CNTLN: variants seen among roughly 807,000 people sequenced by gnomAD.
The protein encoded by CNTLN is centlein, centrosomal protein.
CNTLN carries 212 observed loss-of-function variants against 180.0 expected under a neutral mutation model. The ratio of observed to expected loss-of-function variants is 1.18; its 90% CI spans 1.05 to 1.32. The LOEUF is 1.32. Ranked by LOEUF, CNTLN falls within the 40% of genes most tolerant of loss-of-function variation. The probability of loss-of-function intolerance (pLI) is 0.00; values close to 1 mark genes in which losing one functional copy is unlikely to be tolerated. For missense variants in CNTLN, 2,095 were observed against 1,610.9 expected (o/e 1.30, Z -5.14); for synonymous variants, 722 against 563.1 (o/e 1.28, Z -3.99).
At chr9:17,456,155 G>A (rs923187944) in intron 18 of CNTLN, among the ~76,000 whole-genome samples, 1 of 152,132 alleles carries the variant, frequency 6.6e-6, no homozygotes, top group African/African-American at 2.4e-5. Context: ...TGAATAAATA[G>A]AGAATGAACA....
chr9:17,468,660 T>G (rs1186912637), intron 23 of CNTLN, among the ~76,000 whole-genome samples: 1 of 151,682 alleles, frequency 6.6e-6, no homozygotes, highest in African/African-American at 2.4e-5. Flanking sequence ...AATAGAAAAA[T>G]TAATTTCATG....
intron 25 of CNTLN, among the ~76,000 whole-genome samples, chr9:17,489,135 CT>C (rs937208895): frequency 9.6e-4 from 141 of 147,428 alleles, no homozygotes; most frequent in African/African-American, 2.2e-3. Flanking sequence ...TAGAAAACAC[CT>C]TTTTTTTTTA....
chr9:17,465,978 TAGGTA>T lies in CNTLN; in HGVS notation c.3532-1_3535del, dbSNP rs1345048013. The T allele has an allele frequency of 6.3e-7, 1 of 1,595,628 alleles. No individual in the cohort carries two copies. Among genetic ancestry groups the T allele is most frequent in the African/African-American group, 1.4e-5 (1 of 73,880 alleles). On this transcript the variant is annotated splice_acceptor_variant and coding_sequence_variant, in exon 22 of 26. Coordinates refer to ENST00000380647, the MANE Select transcript of CNTLN (RefSeq NM_017738.4). LOFTEE classifies it high-confidence loss of function. ...AATAATTACCTTTATGCTTTTAATGTAGGTAAAGACATTAACTGAAGAATGTTCCA... is the reference window on the plus strand; with the variant it reads ...AATAATTACCTTTATGCTTTTAATGTAAGACATTAACTGAAGAATGTTCCA...
In CNTLN at chr9:17,409,333, A is replaced by G. The variant is rs374864101; in HGVS notation, c.2656A>G (p.Ile886Val). 7 of 1,613,260 alleles carry G rather than the reference A, an allele frequency of 4.3e-6. No homozygotes were observed. Among genetic ancestry groups the G allele is most frequent in the South Asian group, 3.3e-5 (3 of 90,958 alleles). Residue 886 changes from isoleucine (I) to valine (V), a missense_variant, in exon 16 of 26, where the codon ATT becomes GTT. Ile to Val is a conservative substitution (Grantham distance 29). Transcript: ENST00000380647. ...ACAGACCTCTCAAACTTTGGGAACA[A>G]TTATTGTAGAAACATCCCAGAAAAT... ...EAQTSQTLGT[I>V]IVETSQKISP... is the part of the protein sequence containing the mutation.
At chr9:17,213,649 A>G (rs796379348) in intron 2 of CNTLN, among the ~76,000 whole-genome samples, 113 of 152,274 alleles carry the variant, frequency 7.4e-4, no homozygotes, top group African/African-American at 2.6e-3. Flanking sequence ...TAATGTTGAC[A>G]GTGGGGTGTT....
At chr9:17,288,420 A>G (rs541921251) in intron 6 of CNTLN, among the ~76,000 whole-genome samples, 6 of 142,150 alleles carry the variant, frequency 4.2e-5, no homozygotes, top group African/African-American at 1.4e-4. Flanking sequence ...GGAGAACTTT[A>G]CTTCCCAGTA....
At chr9:17,311,030 T>C (rs1021676377) in intron 8 of CNTLN, among the ~76,000 whole-genome samples, 4 of 152,098 alleles carry the variant, frequency 2.6e-5, no homozygotes, top group Non-Finnish European at 4.4e-5. Context: ...TTAAATTACT[T>C]CTTTTTTTTT....
At chr9:17,380,151 A>G (rs893912421) in intron 13 of CNTLN, among the ~76,000 whole-genome samples, 2 of 152,238 alleles carry the variant, frequency 1.3e-5, no homozygotes, top group Admixed American at 1.3e-4. Flanking sequence ...CCATTGGTCA[A>G]GTGGATCAAC....
chr9:17,238,237 T>C (rs1825274308), intron 5 of CNTLN, among the ~76,000 whole-genome samples: 1 of 152,204 alleles, frequency 6.6e-6, no homozygotes, highest in Admixed American at 6.5e-5. Context: ...TTTCAAAAGT[T>C]TGTGAATTTT....
chr9:17,145,835 A>G (rs1159223058), intron 2 of CNTLN, among the ~76,000 whole-genome samples: 1 of 152,096 alleles, frequency 6.6e-6, no homozygotes, highest in Non-Finnish European at 1.5e-5. Flanking sequence ...CTCAGAAAGG[A>G]TGGACAGGTG....
intron 8 of CNTLN, among the ~76,000 whole-genome samples, chr9:17,328,586 G>A (rs1820452887): frequency 6.6e-6 from 1 of 152,150 alleles, no homozygotes; most frequent in African/African-American, 2.4e-5. Flanking sequence ...TTGTAAACAT[G>A]TCTGTAACAA....
chr9:17,457,642 G>C lies in CNTLN; in HGVS notation c.3233G>C (p.Arg1078Pro), dbSNP rs182080361. The C allele has an allele frequency of 1.9e-6, 3 of 1,549,306 alleles. No homozygotes were observed. The highest frequency in any genetic ancestry group is 2.4e-5 in the East Asian group (1 of 40,920). ...AEENSQVTFP[R>P]IQVTSLSPSR... ...GAAAATTCCCAGGTAACATTTCCAC[G>C]GATACAAGTTACATCACTTAGTCCT... The change falls in exon 19 of 26, where the codon CGG becomes CCG. Residue 1078 changes from arginine (R) to proline (P), a missense_variant. By Grantham distance (103) the Arg-to-Pro change is moderately radical. Coordinates refer to ENST00000380647, the MANE Select transcript of CNTLN (RefSeq NM_017738.4).
intron 5 of CNTLN, among the ~76,000 whole-genome samples, chr9:17,239,353 G>C (rs965628925): frequency 1.3e-5 from 2 of 152,114 alleles, no homozygotes; most frequent in South Asian, 2.1e-4. Context: ...CAAATCTTTT[G>C]TGTACATACT....
At chr9:17,264,136 G>T (rs1827221736) in intron 5 of CNTLN, among the ~76,000 whole-genome samples, 1 of 143,398 alleles carries the variant, frequency 7.0e-6, no homozygotes, top group African/African-American at 2.7e-5. Flanking sequence ...TGTCCTGAAT[G>T]GTATTGCCTA....
At chr9:17,513,428 G>A in the CNTLN span, among the ~76,000 whole-genome samples, 1 of 152,136 alleles carries the variant, frequency 6.6e-6, no homozygotes, top group Non-Finnish European at 1.5e-5. Context: ...GGGTGCAGTG[G>A]CTCACGCATG....
rs143568786 is a variant in CNTLN, at chr9:17,406,681, G to T, written c.2616-2612G>T. Among the ~76,000 whole-genome samples the T allele has an allele frequency of 1.1e-4, 16 of 151,466 alleles. No individual in the cohort carries two copies. In the East Asian group the frequency reaches 2.9e-3, roughly 27 times the overall value. ...ATTTATTGTGCTTATTGTTTTCTTCGTGGATAGACTAAATTTATTCATGGA... is the reference window on the plus strand; with the variant it reads ...ATTTATTGTGCTTATTGTTTTCTTCTTGGATAGACTAAATTTATTCATGGA... On this transcript the variant is annotated intron_variant, in intron 15 of 25. Coordinates refer to ENST00000380647, the MANE Select transcript of CNTLN (RefSeq NM_017738.4).
At chr9:17,341,999 AT>A (rs1329419441) in intron 11 of CNTLN, among the ~76,000 whole-genome samples, 1 of 152,140 alleles carries the variant, frequency 6.6e-6, no homozygotes, top group East Asian at 1.9e-4. Context: ...TTGGTTGCAT[AT>A]AGATTTTTTT....
intron 2 of CNTLN, among the ~76,000 whole-genome samples, chr9:17,158,958 C>G (rs1819487729): frequency 6.6e-6 from 1 of 151,822 alleles, no homozygotes. Context: ...TTTCCACTTC[C>G]TTGATATAGG....
chr9:17,398,192 A>G (rs1781223603), intron 15 of CNTLN, among the ~76,000 whole-genome samples: 1 of 152,210 alleles, frequency 6.6e-6, no homozygotes, highest in Non-Finnish European at 1.5e-5. Context: ...GAATTTCAGT[A>G]TTCCAAGCAA....
Sources: allele counts gnomAD v4.1 joint callset (sites outside exome capture counted in the v4.1 genomes callset), GRCh38; gene constraint gnomAD v4.1.1; transcripts MANE v1.5; gene names NCBI Gene and HGNC (gene_info 2026-07-23, HGNC 2026-07-21).